Variants in CLEC2A observed in about 807,000 individuals in gnomAD.
The protein encoded by CLEC2A is C-type lectin domain family 2 member A, also known as keratinocyte-associated C-type lectin.
A neutral mutation model predicts 18.6 loss-of-function variants in CLEC2A; 19 were observed. That is an observed-to-expected ratio of 1.02 (90% confidence interval 0.71 to 1.50). The LOEUF is 1.50. CLEC2A is among the 40% of genes most tolerant of loss of function. The pLI, the probability that CLEC2A is intolerant of heterozygous loss-of-function variation, is 0.00. For synonymous variants in CLEC2A, 74 were observed against 64.0 expected, an observed-to-expected ratio of 1.16 and a Z score of -0.75; for missense variants, 190 against 207.9, an observed-to-expected ratio of 0.91 and a Z score of 0.53.
downstream of CLEC2A, among the ~76,000 whole-genome samples, chr12:9,911,785 C>T (rs613211): frequency 0.78 from 118,545 of 152,046 alleles, 46,824 homozygotes; most frequent in African/African-American, 0.9. Flanking sequence ...AGTCCCTGGG[C>T]CCATTTTTTT....
chr12:9,901,050 G>A (rs748217621), intron 4 of CLEC2A, among the ~76,000 whole-genome samples: 11 of 152,090 alleles, frequency 7.2e-5, no homozygotes, highest in South Asian at 4.1e-4. Context: ...ATTAAAGGCC[G>A]TAAATAATTC....
chr12:9,918,124 T>C (rs1045840497), intron 3 of CLEC2A, among the ~76,000 whole-genome samples: 9 of 151,950 alleles, frequency 5.9e-5, no homozygotes, highest in African/African-American at 2.2e-4. Context: ...TGTCAATTTT[T>C]GCATTTTTTT....
chr12:9,900,640 G>A (rs1862813099), intron 4 of CLEC2A, among the ~76,000 whole-genome samples: 1 of 152,152 alleles, frequency 6.6e-6, no homozygotes, highest in Non-Finnish European at 1.5e-5. Flanking sequence ...TGAGTTGGGT[G>A]ATCCTCCCTT....
downstream of CLEC2A, among the ~76,000 whole-genome samples, chr12:9,909,431 A>G (rs1011791241): frequency 3.9e-5 from 6 of 152,180 alleles, no homozygotes; most frequent in Admixed American, 3.9e-4. Flanking sequence ...TCTCTCCCTG[A>G]AAACAGGATG....
chr12:9,880,501 C>A, the CLEC2A span, among the ~76,000 whole-genome samples: 1 of 151,212 alleles, frequency 6.6e-6, no homozygotes, highest in African/African-American at 2.4e-5. Context: ...GGCCACGTAG[C>A]AGAAACAGAA....
the CLEC2A span, among the ~76,000 whole-genome samples, chr12:9,892,502 C>T: frequency 0.02 from 3,042 of 151,968 alleles, 50 homozygotes; most frequent in Middle Eastern, 0.045. Flanking sequence ...CTTTGTTCTC[C>T]CCTAATCCAT....
Position 9,916,775 on chromosome 12 carries a change from T to C in CLEC2A, c.335A>G (p.Asp112Gly). The C allele has an allele frequency of 6.4e-7, 1 of 1,551,330 alleles. No individual in the cohort carries two copies. The highest frequency in any genetic ancestry group is 8.7e-7 in the Non-Finnish European group (1 of 1,146,554). ...CCTGCTTAGTCCAATCCAGTGCATATCAGTTCCTGCGTACCTCTTCAAAAA... is the reference window on the plus strand; with the variant it reads ...CCTGCTTAGTCCAATCCAGTGCATACCAGTTCCTGCGTACCTCTTCAAAAA... ...MEFLKRYAGT[D>G]MHWIGLSRKQ... Residue 112 changes from aspartate (D) to glycine (G), a missense_variant, in exon 4 of 5, where the codon GAT becomes GGT. By Grantham distance (94) the Asp-to-Gly change is moderately conservative (BLOSUM62 -1). Transcript: ENST00000455827.
At chr12:9,888,773 T>C in the CLEC2A span, 2 of 1,500,818 alleles carry the variant, frequency 1.3e-6, no homozygotes, top group Middle Eastern at 1.7e-4. Context: ...ACGTCAGCAG[T>C]CTATCAGGTA....
At chr12:9,925,222 A>G (rs573784506) in intron 2 of CLEC2A, among the ~76,000 whole-genome samples, 5 of 152,294 alleles carry the variant, frequency 3.3e-5, no homozygotes, top group South Asian at 4.1e-4. Context: ...TCTTGTGTCA[A>G]TTTCATTCTC....
chr12:9,930,889 A>T (rs1041726089), intron 1 of CLEC2A, among the ~76,000 whole-genome samples: 1 of 151,986 alleles, frequency 6.6e-6, no homozygotes, highest in East Asian at 1.9e-4. Context: ...TTCATTCTTA[A>T]TCAGCGTCCA....
rs1391543158 is a variant in CLEC2A, at chr12:9,932,334, A to G, written c.-5T>C. The G allele has an allele frequency of 1.9e-6, 3 of 1,551,998 alleles. No individual in the cohort carries two copies. The highest frequency in any genetic ancestry group is 2.0e-5 in the Admixed American group (1 of 51,002). ...CCGCAGCTCTGGATTAATCATGGCA[A>G]GGCGCTAACCGATGGAGATCAGTAG... On this transcript the variant is annotated 5_prime_UTR_variant, in exon 1 of 5. Coordinates refer to ENST00000455827, the MANE Select transcript of CLEC2A (RefSeq NM_001130711.2).
intron 1 of CLEC2A, 32 bp from the exon 2 acceptor site, chr12:9,926,375 T>G: frequency 1.1e-5 from 15 of 1,344,804 alleles, no homozygotes; most frequent in Non-Finnish European, 1.6e-5. Flanking sequence ...ATTTTACAAT[T>G]TCTGAATAAA....
chr12:9,918,981 T>C (rs1474914850), intron 3 of CLEC2A, among the ~76,000 whole-genome samples: 1 of 152,190 alleles, frequency 6.6e-6, no homozygotes, highest in Non-Finnish European at 1.5e-5. Context: ...TGTTGAAGAT[T>C]TGAGGTGTGA....
rs1290610858 is a variant in CLEC2A at position 9,913,641 on chromosome 12, A to C, written c.450T>G (p.Ser150Arg). Residue 150 changes from serine (S) to arginine (R), a missense_variant, in exon 5 of 5, where the codon AGT (serine) becomes AGG (arginine). Coordinates refer to ENST00000455827, the MANE Select transcript of CLEC2A (RefSeq NM_001130711.2). Reference protein sequence around the residue: ...IIGNGSFAFLSADGVHSSRGF... With the variant: ...IIGNGSFAFLRADGVHSSRGF... ...CTCTGGAACTATGGACTCCATCAGCACTCAAGAAAGCAAAGGATCCGTTCC... is the reference window on the plus strand; with the variant it reads ...CTCTGGAACTATGGACTCCATCAGCCCTCAAGAAAGCAAAGGATCCGTTCC... 5 of 1,549,778 alleles carry C rather than the reference A, an allele frequency of 3.2e-6. No homozygotes were observed. The African/African-American group carries it at 6.8e-5, about 21-fold the overall frequency.
At chr12:9,890,980 A>G in the CLEC2A span, among the ~76,000 whole-genome samples, 2 of 151,886 alleles carry the variant, frequency 1.3e-5, no homozygotes, top group South Asian at 2.1e-4. Flanking sequence ...ATAATCAAAG[A>G]CTTTAATTGC....
chr12:9,894,046 C>G (rs571135), downstream of CLEC2A, among the ~76,000 whole-genome samples: 92,182 of 150,966 alleles, frequency 0.61, 29,241 homozygotes, highest in Non-Finnish European at 0.7. Context: ...CTTTTTCTTT[C>G]TTTCTTTCTC....
chr12:9,906,020 G>GTTTAGTTT, intron 4 of CLEC2A, among the ~76,000 whole-genome samples: 1 of 83,072 alleles, frequency 1.2e-5, no homozygotes. Context: ...CCACTTATTA[G>GTTTAGTTT]TTTTGTTTTT....
At chr12:9,907,390 T>C (rs1862921080) in intron 4 of CLEC2A, among the ~76,000 whole-genome samples, 1 of 152,224 alleles carries the variant, frequency 6.6e-6, no homozygotes, top group African/African-American at 2.4e-5. Context: ...AGCATATGAA[T>C]GAATCCATAA....
chr12:9,932,183 T>C (rs1374529011), intron 1 of CLEC2A, 92 bp downstream of exon 1: 12 of 929,464 alleles, frequency 1.3e-5, no homozygotes, highest in Non-Finnish European at 2.0e-5. Flanking sequence ...TAGTAGACTT[T>C]CACAGTAAGT....
Sources: allele counts gnomAD v4.1 joint callset (sites outside exome capture counted in the v4.1 genomes callset), GRCh38; gene constraint gnomAD v4.1.1; transcripts MANE v1.5; gene names NCBI Gene and HGNC (gene_info 2026-07-23, HGNC 2026-07-21).